Variants in NR5A2 observed in about 807,000 individuals in gnomAD.
NR5A2 encodes the protein CYP7A promoter-binding factor.
NR5A2 carries 26 observed loss-of-function variants against 62.7 expected under a neutral mutation model. The ratio of observed to expected loss-of-function variants is 0.41; its 90% CI spans 0.30 to 0.58. The LOEUF is 0.58. Among genes scored for constraint, NR5A2 ranks in the 20% least tolerant of loss-of-function variants. NR5A2 has a pLI of 0.22. For synonymous variants in NR5A2, 246 were observed against 241.7 expected (o/e 1.02, Z -0.16); for missense variants, 541 against 669.1 (o/e 0.81, Z 2.11).
intron 5 of NR5A2, among the ~76,000 whole-genome samples, chr1:200,053,158 G>T (rs2102177212): frequency 6.6e-6 from 1 of 152,288 alleles, no homozygotes; most frequent in African/African-American, 2.4e-5. Context: ...AACTCTCATA[G>T]AAACCGTGGA....
intron 5 of NR5A2, among the ~76,000 whole-genome samples, chr1:200,095,465 T>C (rs1023520670): frequency 1.3e-5 from 2 of 152,132 alleles, no homozygotes; most frequent in Non-Finnish European, 2.9e-5. Flanking sequence ...GGATGTCCAT[T>C]GGTGAATGTT....
chr1:200,033,958 G>A (rs1661642377), intron 1 of NR5A2, among the ~76,000 whole-genome samples: 1 of 152,176 alleles, frequency 6.6e-6, no homozygotes, highest in Admixed American at 6.5e-5. Context: ...GCTCAGGCAG[G>A]GGCTTTTCTG....
In NR5A2 at chr1:200,048,137, C is replaced by T. The variant is rs1255300306; in HGVS notation, c.464-35C>T. On this transcript the variant is annotated intron_variant, in intron 4 of 7. Transcript: ENST00000367362. This position sits in a 1 kb window ranked among gnomAD's most constrained non-coding sequence, Gnocchi z 4.8. ...GCTAATAATTTGCACCTTATTTATA[C>T]CTTTCCTTCCTTCCCCCCACCCCAC... 1 of 1,547,806 alleles carries T rather than the reference C, an allele frequency of 6.5e-7. No individual in the cohort carries two copies. Among genetic ancestry groups the T allele is most frequent in the African/African-American group, 1.4e-5 (1 of 72,380 alleles).
At chr1:200,143,711 C>T (rs1401728862) in intron 7 of NR5A2, among the ~76,000 whole-genome samples, 2 of 147,178 alleles carry the variant, frequency 1.4e-5, no homozygotes, top group Non-Finnish European at 3.0e-5. Context: ...GGTGCGATCT[C>T]GGCTCCTGCA....
At chr1:200,110,403 G>T (rs559841983) in intron 5 of NR5A2, among the ~76,000 whole-genome samples, 1 of 152,340 alleles carries the variant, frequency 6.6e-6, no homozygotes, top group South Asian at 2.1e-4. Flanking sequence ...ATGTGCATTT[G>T]TCATTGAAGA....
chr1:200,077,842 C>T (rs1329871546), intron 5 of NR5A2, among the ~76,000 whole-genome samples: 2 of 152,336 alleles, frequency 1.3e-5, no homozygotes, highest in East Asian at 1.9e-4. Context: ...ACCTTTAGGG[C>T]TCTCGCAGTT....
chr1:200,069,685 C>T (rs1663649525), intron 5 of NR5A2, among the ~76,000 whole-genome samples: 1 of 152,168 alleles, frequency 6.6e-6, no homozygotes, highest in African/African-American at 2.4e-5. Context: ...TGGAGGTCCT[C>T]ATACTGCAGA....
At chr1:200,149,653 C>T (rs747382488) in intron 7 of NR5A2, among the ~76,000 whole-genome samples, 2 of 152,096 alleles carry the variant, frequency 1.3e-5, no homozygotes, top group Non-Finnish European at 2.9e-5. Context: ...CAATTGTAGG[C>T]GGTAATAGCA....
chr1:200,114,295 C>T (rs11576618), intron 6 of NR5A2, among the ~76,000 whole-genome samples: 2 of 118,902 alleles, frequency 1.7e-5, no homozygotes, highest in East Asian at 3.7e-4. Flanking sequence ...CATATATATA[C>T]ACACACATAT....
intron 7 of NR5A2, among the ~76,000 whole-genome samples, chr1:200,137,759 G>A (rs972868006): frequency 3.3e-5 from 5 of 152,128 alleles, no homozygotes; most frequent in African/African-American, 1.2e-4. Flanking sequence ...ACAGGATAGA[G>A]TTTAGTAATT....
chr1:200,039,302 C>T lies in NR5A2; in HGVS notation c.65-356C>T, dbSNP rs1450857742. On this transcript the variant is annotated intron_variant, in intron 1 of 7. Transcript: ENST00000367362. This position sits in a 1 kb window ranked among gnomAD's most constrained non-coding sequence, Gnocchi z 5.1. ...CCGGGAGCAGTGGCAGCGGCACAGCCGGGGCGGCAATAGCAGCCCCGCGGT... is the reference window on the plus strand; with the variant it reads ...CCGGGAGCAGTGGCAGCGGCACAGCTGGGGCGGCAATAGCAGCCCCGCGGT... Among the ~76,000 whole-genome samples the T allele has an allele frequency of 6.6e-6, 1 of 152,058 alleles. No homozygotes were observed. Among genetic ancestry groups the T allele is most frequent in the Non-Finnish European group, 1.5e-5 (1 of 67,988 alleles).
At chr1:200,134,191 G>A (rs1667114608) in intron 7 of NR5A2, among the ~76,000 whole-genome samples, 1 of 152,036 alleles carries the variant, frequency 6.6e-6, no homozygotes, top group African/African-American at 2.4e-5. Flanking sequence ...TATTACTGAA[G>A]AAAGAAAAAT....
chr1:200,053,569 G>GCACACACA (rs34611924), intron 5 of NR5A2, among the ~76,000 whole-genome samples: 1,899 of 142,052 alleles, frequency 0.013, 32 homozygotes, highest in South Asian at 0.056. Flanking sequence ...GCATGCACAC[G>GCACACACA]CACACACACA....
intron 1 of NR5A2, among the ~76,000 whole-genome samples, chr1:200,032,940 G>A (rs2737661): frequency 0.3 from 45,013 of 151,934 alleles, 9,017 homozygotes; most frequent in African/African-American, 0.57. Flanking sequence ...TTCCTCCAAT[G>A]GACATTTCGA....
chr1:200,120,941 T>C lies in NR5A2; in HGVS notation c.1364T>C (p.Val455Ala). 1.2e-6 allele frequency: 2 copies of C among 1,614,010 alleles called. No homozygotes were observed. The highest frequency in any genetic ancestry group is 8.5e-7 in the Non-Finnish European group (1 of 1,179,962). Residue 455 changes from valine to alanine, a missense_variant, in exon 7 of 8, where the codon GTG becomes GCG. Transcript: ENST00000367362. The part of the protein sequence containing the change: ...QREFVCLKFL[V>A]LFSLDVKNLE... ...GAGTTCGTATGTCTGAAATTCTTGGTGCTCTTTAGTTTAGGTAAGAAATCC... is the reference window on the plus strand; with the variant it reads ...GAGTTCGTATGTCTGAAATTCTTGGCGCTCTTTAGTTTAGGTAAGAAATCC...
intron 7 of NR5A2, among the ~76,000 whole-genome samples, chr1:200,173,654 C>T (rs1035086165): frequency 6.6e-5 from 10 of 152,128 alleles, no homozygotes; most frequent in African/African-American, 2.4e-4. Context: ...ATATTAAGAT[C>T]CCTCTACTTT....
chr1:200,166,876 T>C (rs1011095760), intron 7 of NR5A2, among the ~76,000 whole-genome samples: 4 of 152,254 alleles, frequency 2.6e-5, no homozygotes, highest in African/African-American at 7.2e-5. Context: ...AGAAAACATA[T>C]GTTAAAGACA....
At chr1:200,169,654 A>G (rs1284724447) in intron 7 of NR5A2, among the ~76,000 whole-genome samples, 3 of 152,238 alleles carry the variant, frequency 2.0e-5, no homozygotes, top group African/African-American at 7.2e-5. Flanking sequence ...GTTGGTAATT[A>G]GTCCCTGAGT....
intron 5 of NR5A2, among the ~76,000 whole-genome samples, chr1:200,067,901 C>A (rs1322268722): frequency 6.6e-6 from 1 of 152,154 alleles, no homozygotes; most frequent in Non-Finnish European, 1.5e-5. Context: ...CTTGAAGTTC[C>A]TGATTCTGAG....
Sources: allele counts gnomAD v4.1 joint callset (sites outside exome capture counted in the v4.1 genomes callset), GRCh38; gene constraint gnomAD v4.1.1; non-coding constraint Gnocchi (gnomAD v3.1); transcripts MANE v1.5; gene names NCBI Gene and HGNC (gene_info 2026-07-23, HGNC 2026-07-21).